UTP18: variants seen among roughly 807,000 people sequenced by gnomAD.
The protein encoded by UTP18 is UTP18 small subunit processome component, also known as U3 small nucleolar RNA-associated protein 18 homolog.
Under a neutral mutation model 61.1 loss-of-function variants are expected in UTP18, and 36 were observed. The observed-to-expected ratio is 0.59, with a 90% CI of 0.45 to 0.78. The LOEUF is 0.78. Ranked by LOEUF, UTP18 falls within the 30% of genes least tolerant of loss-of-function variation. The pLI, the probability that UTP18 is intolerant of heterozygous loss-of-function variation, is 0.00. For synonymous variants in UTP18, 282 were observed against 251.1 expected (o/e 1.12, Z -1.16); for missense variants, 753 against 693.9 (o/e 1.09, Z -0.96).
At chr17:51,290,811 G>C (rs2096621044) in intron 11 of UTP18, among the ~76,000 whole-genome samples, 1 of 152,184 alleles carries the variant, frequency 6.6e-6, no homozygotes, top group South Asian at 2.1e-4. Flanking sequence ...ATATCTAATG[G>C]AAAGAAGCCA....
intron 4 of UTP18, among the ~76,000 whole-genome samples, chr17:51,269,336 T>G (rs1271632164): frequency 8.1e-6 from 1 of 123,330 alleles, no homozygotes; most frequent in Non-Finnish European, 1.8e-5. Context: ...ACCAAAAAAA[T>G]CTGTTTTTTG....
chr17:51,269,839 TTGTGTGTGTG>T (rs58180688), intron 4 of UTP18, among the ~76,000 whole-genome samples: 116 of 137,804 alleles, frequency 8.4e-4, no homozygotes, highest in African/African-American at 2.9e-3. Flanking sequence ...AAATAATGTA[TTGTGTGTGTG>T]TGTGTGTGTG....
rs542392960 is a variant in UTP18 at position 51,287,381 on chromosome 17, G to A, written c.1329-648G>A. Among the ~76,000 whole-genome samples the A allele has an allele frequency of 3.3e-3, 496 of 152,298 alleles. 2 individuals are homozygous for A. Among genetic ancestry groups the A allele is most frequent in the Non-Finnish European group, 6.0e-3 (411 of 68,032 alleles). On this transcript the variant is annotated intron_variant, in intron 10 of 13. Coordinates refer to ENST00000225298, the MANE Select transcript of UTP18 (RefSeq NM_016001.3). Reference sequence around the variant, plus strand: ...GAGCCTTGAGGTCACTGCAGCAATAGGCAGGCATCAGGTAATGAGTCACCA... The same window carrying A: ...GAGCCTTGAGGTCACTGCAGCAATAAGCAGGCATCAGGTAATGAGTCACCA...
At position 51,260,734 on chromosome 17, in the gene UTP18, G is replaced by T. The variant is rs1187296027; in HGVS notation, c.150G>T (p.Pro50=). The change falls in exon 1 of 14, where the codon CCG becomes CCT. Residue 50 remains proline, a synonymous_variant. Coordinates refer to ENST00000225298, the MANE Select transcript of UTP18 (RefSeq NM_016001.3). ...CTGCCCCTTCATCCCAGCGGAAACC[G>T]CCGGCCCGGCCGAGCGCGGCGGCCG... ...QKPAPSSQRK[P]PARPSAAAAA... is the part of the protein sequence containing the mutation. 6.3e-7 allele frequency: 1 copy of T among 1,588,788 alleles called. No homozygotes were observed. Among genetic ancestry groups the T allele is most frequent in the East Asian group, 2.3e-5 (1 of 43,912 alleles).
rs751997503 is a variant in UTP18 at position 51,263,405 on chromosome 17, C to T, written c.455+19C>T. On this transcript the variant is annotated intron_variant, in intron 2 of 13. Coordinates refer to ENST00000225298, the MANE Select transcript of UTP18 (RefSeq NM_016001.3). Reference sequence around the variant, plus strand: ...AGGAAATGTAAGTTGCCTAACTTTTCTTCTGAATCCCTCTGTACACTTAAA... The same window carrying T: ...AGGAAATGTAAGTTGCCTAACTTTTTTTCTGAATCCCTCTGTACACTTAAA... 1.3e-6 allele frequency: 2 copies of T among 1,571,872 alleles called. No individual in the cohort carries two copies. Among genetic ancestry groups the T allele is most frequent in the South Asian group, 1.1e-5 (1 of 90,090 alleles).
chr17:51,264,917 A>C, intron 2 of UTP18, among the ~76,000 whole-genome samples: 1 of 151,872 alleles, frequency 6.6e-6, no homozygotes. Context: ...TGTTGACCTC[A>C]AGTGACCTGT....
intron 9 of UTP18, among the ~76,000 whole-genome samples, chr17:51,284,885 A>C (rs1238451674): frequency 6.6e-6 from 1 of 152,038 alleles, no homozygotes; most frequent in East Asian, 1.9e-4. Context: ...ACATGGTGAA[A>C]CCCTGTCTCT....
rs1166813975 is a variant in UTP18, at chr17:51,268,957, GTTA to G, written c.622+59_622+61del. On this transcript the variant is annotated intron_variant, in intron 4 of 13. Coordinates refer to ENST00000225298, the MANE Select transcript of UTP18 (RefSeq NM_016001.3). Reference sequence around the variant, plus strand: ...AGTACATAAGTCCCTGTTCCTGTTCGTTATTATTTGAGCTTTCTTATGAGGCTC... The same window carrying G: ...AGTACATAAGTCCCTGTTCCTGTTCGTTATTTGAGCTTTCTTATGAGGCTC... The G allele has an allele frequency of 6.4e-6, 10 of 1,550,530 alleles. No individual in the cohort carries two copies. In the African/African-American group the frequency reaches 1.2e-4, roughly 19 times the overall value.
At chr17:51,287,785 T>C (rs1905152645) in intron 10 of UTP18, among the ~76,000 whole-genome samples, 1 of 152,182 alleles carries the variant, frequency 6.6e-6, no homozygotes, top group African/African-American at 2.4e-5. Flanking sequence ...GGAATCAGGA[T>C]GCAAGAAGAG....
chr17:51,295,277 G>C (rs2144450289), intron 12 of UTP18, among the ~76,000 whole-genome samples: 1 of 152,150 alleles, frequency 6.6e-6, no homozygotes, highest in South Asian at 2.1e-4. Flanking sequence ...CCTTGCCCAT[G>C]CCTATGTCCT....
At chr17:51,269,879 G>T (rs1011712467) in intron 4 of UTP18, among the ~76,000 whole-genome samples, 1 of 150,616 alleles carries the variant, frequency 6.6e-6, no homozygotes, top group African/African-American at 2.4e-5. Context: ...GTCAGTGTCA[G>T]AATCTCACTC....
At chr17:51,292,660 G>C (rs994753584) in intron 11 of UTP18, among the ~76,000 whole-genome samples, 13 of 152,174 alleles carry the variant, frequency 8.5e-5, no homozygotes, top group Admixed American at 8.5e-4. Context: ...ATATCTCTTG[G>C]GAGAGCTAGA....
intron 12 of UTP18, among the ~76,000 whole-genome samples, chr17:51,295,296 T>TAA: frequency 6.6e-6 from 1 of 152,172 alleles, no homozygotes; most frequent in South Asian, 2.1e-4. Context: ...CTGAATGGTA[T>TAA]TGCCTAGGTT....
In UTP18 at chr17:51,270,267, C is replaced by G. The variant is rs567412185; in HGVS notation, c.622+1363C>G. ...CTACGGTTTGAAACATATAGATTAT[C>G]TTCTTTTTCTCTCATTTGGGAAGCC... On this transcript the variant is annotated intron_variant, in intron 4 of 13. Transcript: ENST00000225298. 5.3e-5 allele frequency among the ~76,000 whole-genome samples: 8 copies of G among 152,244 alleles called. No homozygotes were observed. In the East Asian group the frequency reaches 1.5e-3, roughly 29 times the overall value.
intron 11 of UTP18, among the ~76,000 whole-genome samples, chr17:51,291,706 G>C (rs552220937): frequency 2.0e-5 from 3 of 151,210 alleles, no homozygotes; most frequent in Non-Finnish European, 4.4e-5. Flanking sequence ...CTGTACTCCA[G>C]CCTGGGCAAC....
chr17:51,292,255 A>G (rs1450731979), intron 11 of UTP18, among the ~76,000 whole-genome samples: 1 of 152,254 alleles, frequency 6.6e-6, no homozygotes. Context: ...GTGGTATTTA[A>G]GAACTTTAGA....
chr17:51,273,244 G>T, intron 4 of UTP18, 118 bp from the exon 5 acceptor site: 50 of 528,940 alleles, frequency 9.5e-5, no homozygotes, highest in Middle Eastern at 3.7e-4. Flanking sequence ...AAAAGCAATT[G>T]AGGTAGGGAG....
At chr17:51,293,502 G>GTT (rs5820850) in intron 11 of UTP18, among the ~76,000 whole-genome samples, 79 of 143,992 alleles carry the variant, frequency 5.5e-4, no homozygotes, top group African/African-American at 9.0e-4. Context: ...ATGAGTTGTT[G>GTT]TTTTTTTTTT....
intron 7 of UTP18, 80 bp downstream of exon 7, chr17:51,277,384 C>A: frequency 6.9e-7 from 1 of 1,459,720 alleles, no homozygotes; most frequent in Non-Finnish European, 9.3e-7. Context: ...ACACTTTTTT[C>A]ACTCCATAGG....
Sources: gnomAD v4.1 joint callset for allele counts (sites outside exome capture counted in the v4.1 genomes callset) on GRCh38, gnomAD v4.1.1 for gene constraint, MANE v1.5 for transcripts, NCBI Gene and HGNC (gene_info 2026-07-23, HGNC 2026-07-21) for gene names.